TMEM108: variants seen among roughly 807,000 people sequenced by gnomAD.
The protein encoded by TMEM108 is transmembrane protein 108.
Under a neutral mutation model 35.1 loss-of-function variants are expected in TMEM108, and 12 were observed. The observed-to-expected ratio is 0.34, with a 90% CI of 0.22 to 0.55. The LOEUF (loss-of-function observed/expected upper bound fraction) is 0.55, where lower values mean the gene tolerates loss of function less well. TMEM108 is among the 20% of genes least tolerant of loss of function. The probability of loss-of-function intolerance (pLI) is 0.89; values close to 1 mark genes in which losing one functional copy is unlikely to be tolerated. For missense variants in TMEM108, 680 were observed against 753.3 expected, an observed-to-expected ratio of 0.90 and a Z score of 1.14; for synonymous variants, 287 against 308.6, an observed-to-expected ratio of 0.93 and a Z score of 0.73.
intron 3 of TMEM108, among the ~76,000 whole-genome samples, chr3:133,329,478 A>G (rs1257934709): frequency 6.6e-6 from 1 of 152,174 alleles, no homozygotes; most frequent in Non-Finnish European, 1.5e-5. Flanking sequence ...TCAGGATTTC[A>G]GGCCTCAAAG....
chr3:133,240,745 T>C (rs111641490), intron 3 of TMEM108, among the ~76,000 whole-genome samples: 1,992 of 152,348 alleles, frequency 0.013, 40 homozygotes, highest in African/African-American at 0.046. Context: ...TCAACTACAA[T>C]GCACAGGTGA....
chr3:133,121,964 A>T (rs1944358436), intron 2 of TMEM108, among the ~76,000 whole-genome samples: 1 of 152,134 alleles, frequency 6.6e-6, no homozygotes, highest in African/African-American at 2.4e-5. Context: ...GCCAGTGAAG[A>T]AGAGAAGTTT....
Position 133,073,510 on chromosome 3 carries a change from C to CTCTCTCTATA in TMEM108, c.-47+27491_-47+27492insCTCTCTATAT. Among the ~76,000 whole-genome samples, 141 of 43,886 alleles carry CTCTCTCTATA rather than the reference C, an allele frequency of 3.2e-3. 1 individual carries two copies. The highest frequency in any genetic ancestry group is 0.012 in the African/African-American group (102 of 8,418). 28.8% of individuals were successfully genotyped at this position (43,886 alleles called of 152,430 possible). A position where few individuals can be genotyped will look rare whatever the true frequency, so the allele number is the denominator to read the frequency against. On this transcript the variant is annotated intron_variant, in intron 2 of 5. Coordinates refer to ENST00000321871, the MANE Select transcript of TMEM108 (RefSeq NM_023943.4). ...TCTCTCTCTCTCTCTCTCTCTCTCT[C>CTCTCTCTATA]TATATATATATATATATATATATAT... is the stretch of plus-strand genomic sequence containing the variant.
chr3:133,387,664 G>A (rs2073172900), intron 4 of TMEM108: 2 of 689,530 alleles, frequency 2.9e-6, no homozygotes, highest in Non-Finnish European at 3.6e-6. Flanking sequence ...GTAGGCTGGG[G>A]GAAGGGGCTG....
At chr3:133,387,181 CATTA>C (rs2073165214) in intron 4 of TMEM108, 13 of 985,456 alleles carry the variant, frequency 1.3e-5, no homozygotes, top group African/African-American at 1.7e-5. Context: ...AGAGAACTGT[CATTA>C]ATTAAGCATC....
intron 2 of TMEM108, among the ~76,000 whole-genome samples, chr3:133,054,845 T>G (rs181088532): frequency 6.6e-6 from 1 of 152,338 alleles, no homozygotes; most frequent in East Asian, 1.9e-4. Flanking sequence ...TACACTTCCC[T>G]TCAAGTAGCT....
chr3:133,098,359 C>T (rs1235864967), intron 2 of TMEM108, among the ~76,000 whole-genome samples: 2 of 152,178 alleles, frequency 1.3e-5, no homozygotes, highest in Non-Finnish European at 2.9e-5. Flanking sequence ...GTCCCTCCCA[C>T]AACACATGGG....
At position 133,390,240 on chromosome 3, in the gene TMEM108, A is replaced by G. The variant is rs779036173; in HGVS notation, c.1511A>G (p.Asn504Ser). 5 of 1,614,040 alleles carry G rather than the reference A, an allele frequency of 3.1e-6. No homozygotes were observed. Among genetic ancestry groups the G allele is most frequent in the African/African-American group, 2.7e-5 (2 of 74,914 alleles). ...AAGAAGACCGCCAACCCGGAGAACA[A>G]CCTGAGCTACTGGAACAACACCATC... The part of the protein sequence containing the change: ...RKKKTANPEN[N>S]LSYWNNTITM... Residue 504 changes from asparagine to serine, a missense_variant, in exon 5 of 6, where the codon AAC becomes AGC. Coordinates refer to ENST00000321871, the MANE Select transcript of TMEM108 (RefSeq NM_023943.4).
chr3:133,255,074 C>G (rs1576414997), intron 3 of TMEM108, among the ~76,000 whole-genome samples: 3 of 152,164 alleles, frequency 2.0e-5, no homozygotes, highest in African/African-American at 2.4e-5. Context: ...TCATATAATC[C>G]TTTCTAACCT....
intron 3 of TMEM108, among the ~76,000 whole-genome samples, chr3:133,337,462 CTA>C (rs1427709851): frequency 6.6e-6 from 1 of 152,168 alleles, no homozygotes; most frequent in Non-Finnish European, 1.5e-5. Flanking sequence ...TGCAGTACCT[CTA>C]TGAGTCTGTA....
chr3:133,276,199 A>G (rs1294459775), intron 3 of TMEM108, among the ~76,000 whole-genome samples: 1 of 152,194 alleles, frequency 6.6e-6, no homozygotes, highest in Admixed American at 6.5e-5. Flanking sequence ...TTCATATAAA[A>G]TTCAAATTTT....
At chr3:133,387,306 G>T (rs2073167223) in intron 4 of TMEM108, 1 of 985,468 alleles carries the variant, frequency 1.0e-6, no homozygotes, top group Non-Finnish European at 1.2e-6. Flanking sequence ...ATACATGGCA[G>T]AGTCACAATT....
At chr3:133,180,000 A>G (rs556339676) in intron 2 of TMEM108, among the ~76,000 whole-genome samples, 9 of 152,248 alleles carry the variant, frequency 5.9e-5, no homozygotes, top group East Asian at 3.9e-4. Flanking sequence ...CTCGAAAACC[A>G]TTATGAATAT....
At chr3:133,311,625 A>G (rs1406748415) in intron 3 of TMEM108, among the ~76,000 whole-genome samples, 1 of 151,984 alleles carries the variant, frequency 6.6e-6, no homozygotes, top group East Asian at 1.9e-4. Flanking sequence ...ACCTTTTTTC[A>G]ACGTTTTTAG....
chr3:133,223,437 T>C (rs963574296), intron 2 of TMEM108, among the ~76,000 whole-genome samples: 4 of 152,196 alleles, frequency 2.6e-5, no homozygotes, highest in African/African-American at 7.2e-5. Context: ...TCTATAGGCA[T>C]GGGCCTGGAG....
intron 2 of TMEM108, among the ~76,000 whole-genome samples, chr3:133,049,628 A>G (rs1559816116): frequency 1.3e-5 from 2 of 152,204 alleles, no homozygotes; most frequent in Admixed American, 6.5e-5. Flanking sequence ...TGCTACAGAA[A>G]GTGCCATGGG....
chr3:133,051,125 A>G (rs1352259692), intron 2 of TMEM108, among the ~76,000 whole-genome samples: 2 of 152,016 alleles, frequency 1.3e-5, no homozygotes, highest in African/African-American at 4.8e-5. Flanking sequence ...TTGCATTCTC[A>G]CCAGCAATGA....
At chr3:133,196,138 T>C (rs2044771) in intron 2 of TMEM108, among the ~76,000 whole-genome samples, 149,577 of 152,332 alleles carry the variant, frequency 0.98, 73,485 homozygotes, top group East Asian at 1. Flanking sequence ...TTAATCTTCT[T>C]ATGTCTATGG....
At chr3:133,338,474 GA>G (rs2071567461) in intron 3 of TMEM108, among the ~76,000 whole-genome samples, 1 of 152,000 alleles carries the variant, frequency 6.6e-6, no homozygotes, top group East Asian at 1.9e-4. Context: ...CTCCAAACCT[GA>G]AGCAGAAATA....
Sources: gnomAD v4.1 joint callset for allele counts (sites outside exome capture counted in the v4.1 genomes callset) on GRCh38, gnomAD v4.1.1 for gene constraint, MANE v1.5 for transcripts, NCBI Gene and HGNC (gene_info 2026-07-23, HGNC 2026-07-21) for gene names.